Variants in NRG1 observed in about 807,000 individuals in gnomAD.
NRG1 encodes the protein neuregulin 1, also known as pro-neuregulin-1, membrane-bound isoform.
NRG1 carries 18 observed loss-of-function variants against 63.8 expected under a neutral mutation model. The ratio of observed to expected loss-of-function variants is 0.28; its 90% CI spans 0.19 to 0.42. The LOEUF (loss-of-function observed/expected upper bound fraction) is 0.42. NRG1 is among the 10% of genes least tolerant of loss of function. The probability of loss-of-function intolerance (pLI) is 1.00; values close to 1 mark genes in which losing one functional copy is unlikely to be tolerated. For synonymous variants in NRG1, 302 were observed against 301.3 expected (o/e 1.00, Z -0.02); for missense variants, 762 against 814.7 (o/e 0.94, Z 0.79).
chr8:32,744,973 C>T (rs541904096), intron 7 of NRG1, among the ~76,000 whole-genome samples: 1 of 152,172 alleles, frequency 6.6e-6, no homozygotes, highest in East Asian at 1.9e-4. Flanking sequence ...CATATTTAAC[C>T]TGATTTAACA....
At chr8:32,155,601 T>G (rs1837974153) in intron 1 of NRG1, among the ~76,000 whole-genome samples, 3 of 152,246 alleles carry the variant, frequency 2.0e-5, no homozygotes, top group Admixed American at 6.5e-5. Flanking sequence ...TGTCTCTGGC[T>G]GTAGTTGTAT....
At chr8:32,544,541 C>G (rs1482205687), upstream of NRG1, among the ~76,000 whole-genome samples, 4 of 151,306 alleles carry the variant, frequency 2.6e-5, no homozygotes, top group Non-Finnish European at 5.9e-5. Flanking sequence ...GTCTCACTGT[C>G]ACCCAGGCTG....
chr8:32,549,149 G>T lies in NRG1; in HGVS notation c.100+323G>T, dbSNP rs528718417. Among the ~76,000 whole-genome samples the T allele has an allele frequency of 4.5e-4, 68 of 152,352 alleles. 1 individual carries two copies. The South Asian group carries it at 0.013, about 30-fold the overall frequency. ...CTTAGCGGCTGAGCCCAGCCCGGGA[G>T]TGGGACCTGGGCTATAGGAGTCGAG... On this transcript the variant is annotated intron_variant, in intron 1 of 11. Transcript: ENST00000356819.
At chr8:32,309,018 T>G (rs1856527118) in intron 1 of NRG1, among the ~76,000 whole-genome samples, 1 of 152,212 alleles carries the variant, frequency 6.6e-6, no homozygotes, top group Non-Finnish European at 1.5e-5. Context: ...GCTGCCTTCT[T>G]GACTGCTGAT....
chr8:31,982,823 T>C (rs1432695108), intron 1 of NRG1, among the ~76,000 whole-genome samples: 2 of 152,138 alleles, frequency 1.3e-5, no homozygotes, highest in African/African-American at 4.8e-5. Flanking sequence ...TCCCAGAGGC[T>C]ATTGGGCATA....
At chr8:32,326,731 G>C (rs1236444236) in intron 1 of NRG1, among the ~76,000 whole-genome samples, 1 of 151,910 alleles carries the variant, frequency 6.6e-6, no homozygotes. Context: ...TCCTAAAACT[G>C]AATTTTTAAA....
Position 31,766,736 on chromosome 8 carries a change from CT to C in NRG1, c.37+127306del, listed in dbSNP as rs145610933. 4.6e-4 allele frequency among the ~76,000 whole-genome samples: 70 copies of C among 152,248 alleles called. 1 individual carries two copies. The highest frequency in any genetic ancestry group is 3.4e-3 in the Middle Eastern group (1 of 294). On this transcript the variant is annotated intron_variant, in intron 1 of 10. Transcript: ENST00000519301. ...AGTGATTTTTCTGCCACAAGCAATA[CT>C]CTAGACTTTAGTTGAGTTTTTCCCT... is the stretch of plus-strand genomic sequence containing the variant.
intron 1 of NRG1, among the ~76,000 whole-genome samples, chr8:31,788,785 A>G (rs1820417578): frequency 6.6e-6 from 1 of 152,218 alleles, no homozygotes; most frequent in South Asian, 2.1e-4. Context: ...ATGCCGTTTC[A>G]TAGATAAGAA....
Position 32,066,214 on chromosome 8 carries a change from GC to G in NRG1, c.37+426785del, listed in dbSNP as rs1355788466. Among the ~76,000 whole-genome samples, 15 of 152,142 alleles carry G rather than the reference GC, an allele frequency of 9.9e-5. No individual in the cohort carries two copies. The South Asian group carries it at 1.2e-3, about 13-fold the overall frequency. On this transcript the variant is annotated intron_variant, in intron 1 of 10. Coordinates refer to the NRG1 transcript ENST00000519301. ...AATTAGATCCCATTTGTCAATTTTG[GC>G]CTTTGTTGCCATTGCTTCTGGTGTT...
At chr8:32,650,490 G>A (rs897416729) in intron 5 of NRG1, among the ~76,000 whole-genome samples, 1 of 151,990 alleles carries the variant, frequency 6.6e-6, no homozygotes, top group Non-Finnish European at 1.5e-5. Context: ...ATCAAATCTT[G>A]TATTGTAAAA....
intron 1 of NRG1, among the ~76,000 whole-genome samples, chr8:32,351,282 G>A (rs1805570399): frequency 6.6e-6 from 1 of 152,162 alleles, no homozygotes. Flanking sequence ...GTCTTAGCCA[G>A]GAGTTCATGA....
chr8:32,170,794 G>A (rs545797749), intron 1 of NRG1, among the ~76,000 whole-genome samples: 24 of 152,288 alleles, frequency 1.6e-4, no homozygotes, highest in African/African-American at 5.1e-4. Context: ...TCAATCCACC[G>A]GTGGCTTCTA....
intron 1 of NRG1, among the ~76,000 whole-genome samples, chr8:32,475,183 T>G: frequency 6.6e-6 from 1 of 152,088 alleles, no homozygotes; most frequent in East Asian, 1.9e-4. Flanking sequence ...AAGTGCCTAC[T>G]TGGCCAGGCA....
intron 1 of NRG1, among the ~76,000 whole-genome samples, chr8:32,455,072 G>T (rs75982364): frequency 0.056 from 8,545 of 152,158 alleles, 297 homozygotes; most frequent in Middle Eastern, 0.12. Context: ...TACCATCTTG[G>T]TTCGTGTAAG....
At chr8:32,203,659 G>A (rs1226827168) in intron 1 of NRG1, among the ~76,000 whole-genome samples, 1 of 152,126 alleles carries the variant, frequency 6.6e-6, no homozygotes, top group Admixed American at 6.6e-5. Flanking sequence ...ACCACACCCA[G>A]CCTCATTCAT....
At chr8:32,439,797 G>A (rs971807263) in intron 1 of NRG1, among the ~76,000 whole-genome samples, 6 of 146,508 alleles carry the variant, frequency 4.1e-5, no homozygotes, top group Admixed American at 1.4e-4. Context: ...TTGAGGCAGG[G>A]TCTCACTCTA....
chr8:31,651,831 C>T (rs1044767730), intron 1 of NRG1, among the ~76,000 whole-genome samples: 6 of 152,050 alleles, frequency 3.9e-5, no homozygotes, highest in African/African-American at 1.5e-4. Flanking sequence ...GGTGGATTCA[C>T]CTACTGCAGA....
chr8:32,647,293 T>A, intron 5 of NRG1: 1 of 985,398 alleles, frequency 1.0e-6, no homozygotes, highest in Non-Finnish European at 1.2e-6. Flanking sequence ...CTTTTACTTC[T>A]CCTGCATGAC....
intron 1 of NRG1, among the ~76,000 whole-genome samples, chr8:32,574,762 A>C (rs866553869): frequency 4.6e-5 from 7 of 152,276 alleles, no homozygotes; most frequent in Non-Finnish European, 8.8e-5. Context: ...GGCCAGTTAA[A>C]CCTCTTTTCT....
Sources: allele counts gnomAD v4.1 joint callset (sites outside exome capture counted in the v4.1 genomes callset), GRCh38; gene constraint gnomAD v4.1.1; transcripts MANE v1.5; gene names NCBI Gene and HGNC (gene_info 2026-07-23, HGNC 2026-07-21).